PAX3: variants seen among roughly 807,000 people sequenced by gnomAD.
PAX3 encodes paired box protein Pax-3.
Under a neutral mutation model 51.6 loss-of-function variants are expected in PAX3, and 14 were observed. The observed-to-expected ratio is 0.27, with a 90% confidence interval of 0.18 to 0.42. The LOEUF (loss-of-function observed/expected upper bound fraction) is 0.42, where lower values mean the gene tolerates loss of function less well. Among genes scored for constraint, PAX3 ranks in the 10% least tolerant of loss-of-function variants. The pLI, the probability that PAX3 is intolerant of heterozygous loss-of-function variation, is 1.00. For missense variants in PAX3, 540 were observed against 642.8 expected (o/e 0.84, Z 1.73); for synonymous variants, 280 against 253.4 (o/e 1.11, Z -1.00).
At chr2:222,269,175 C>T (rs555108118) in intron 4 of PAX3, among the ~76,000 whole-genome samples, 4 of 152,284 alleles carry the variant, frequency 2.6e-5, no homozygotes, top group East Asian at 1.9e-4. Context: ...GCTAATACTC[C>T]GAACAAATAC....
intron 4 of PAX3, among the ~76,000 whole-genome samples, chr2:222,254,180 T>C (rs1693548278): frequency 6.6e-6 from 1 of 152,180 alleles, no homozygotes. Context: ...TCACTTTAAG[T>C]ATTCAACCAG....
chr2:222,262,613 T>C (rs1418576796), intron 4 of PAX3: 1 of 147,012 alleles, frequency 6.8e-6, no homozygotes, highest in Admixed American at 6.8e-5. Context: ...TTTTTTTTTT[T>C]GTAGATACAG....
rs1553583540 is a variant in PAX3, at chr2:222,265,691, G to GAAGA, written c.586+28475_586+28476insTCTT. ...GGAAGGAAGGAAGGAAGGAAGGAAG[G>GAAGA]GAGAAAGATTGATTTTGATTTTTCC... On this transcript the variant is annotated intron_variant, in intron 4 of 8. Transcript: ENST00000392070. Among the ~76,000 whole-genome samples, 277 of 142,138 alleles carry GAAGA rather than the reference G, an allele frequency of 1.9e-3. 3 individuals are homozygous for GAAGA. Among genetic ancestry groups the GAAGA allele is most frequent in the Middle Eastern group, 7.1e-3 (2 of 280 alleles). The allele number at this position is 142,138 out of a possible 152,430, so 93.2% of individuals were successfully genotyped here.
intron 4 of PAX3, among the ~76,000 whole-genome samples, chr2:222,258,956 T>C (rs908373479): frequency 3.3e-5 from 5 of 152,176 alleles, no homozygotes; most frequent in Admixed American, 3.3e-4. Flanking sequence ...TAAAACACTT[T>C]ATACAAATCC....
chr2:222,251,827 T>G (rs1030014213), intron 4 of PAX3, among the ~76,000 whole-genome samples: 1 of 152,222 alleles, frequency 6.6e-6, no homozygotes, highest in East Asian at 1.9e-4. Flanking sequence ...TGGTATCTCA[T>G]TGTGGTTTTG....
intron 7 of PAX3, among the ~76,000 whole-genome samples, chr2:222,219,142 G>T (rs529603039): frequency 6.6e-6 from 1 of 152,290 alleles, no homozygotes; most frequent in South Asian, 2.1e-4. Context: ...TTAGGCAGCG[G>T]TGATAGTCAG....
At chr2:222,240,602 CT>C (rs771578716) in intron 4 of PAX3, among the ~76,000 whole-genome samples, 7 of 152,150 alleles carry the variant, frequency 4.6e-5, no homozygotes, top group Non-Finnish European at 8.8e-5. Flanking sequence ...ATGCTTGTGT[CT>C]TTTTCAACCA....
chr2:222,237,669 A>G (rs1229733590), intron 4 of PAX3, among the ~76,000 whole-genome samples: 1 of 152,264 alleles, frequency 6.6e-6, no homozygotes, highest in Non-Finnish European at 1.5e-5. Flanking sequence ...AAGAAATCAA[A>G]GTAGTTCATC....
At chr2:222,213,450 G>A (rs1269097142) in intron 7 of PAX3, among the ~76,000 whole-genome samples, 2 of 152,128 alleles carry the variant, frequency 1.3e-5, no homozygotes, top group African/African-American at 4.8e-5. Flanking sequence ...TGGTTATTCT[G>A]GTGTAGCTGA....
intron 7 of PAX3, among the ~76,000 whole-genome samples, chr2:222,210,362 A>G (rs1691678356): frequency 1.3e-5 from 2 of 152,168 alleles, no homozygotes; most frequent in African/African-American, 4.8e-5. Context: ...CTGGTGAGAG[A>G]GAAGCATCAC....
At position 222,200,807 on chromosome 2, in the gene PAX3, T is replaced by C; in HGVS notation, c.*601A>G. On this transcript the variant is annotated 3_prime_UTR_variant, in exon 9 of 9. Coordinates refer to ENST00000392070, the MANE Select transcript of PAX3 (RefSeq NM_181458.4). ...GAGGATACAGTAACAAATAATTTAT[T>C]TAGGAGGTCCTTTACAGCTAGTCTA... The C allele has an allele frequency of 3.0e-6, 1 of 330,958 alleles. No individual in the cohort carries two copies. 20.5% of individuals were successfully genotyped at this position (330,958 alleles called of 1,614,324 possible). A position where few individuals can be genotyped will look rare whatever the true frequency, so the allele number is the denominator to read the frequency against.
intron 4 of PAX3, among the ~76,000 whole-genome samples, chr2:222,274,326 A>C (rs528638210): frequency 1.1e-4 from 16 of 152,110 alleles, no homozygotes; most frequent in Admixed American, 3.9e-4. Context: ...TCCCTTAAGG[A>C]GTATAAATTT....
rs57757180 is a variant in PAX3 at position 222,255,917 on chromosome 2, A to ATTTTTT, written c.587-23640_587-23635dup. Reference sequence around the variant, plus strand: ...AGGTGCACGCCACTACGCCCAGCTAATTTTTTTTTTTTTTTTTTTTTTTGT... The same window carrying ATTTTTT: ...AGGTGCACGCCACTACGCCCAGCTAATTTTTTTTTTTTTTTTTTTTTTTTTTTTTGT... On this transcript the variant is annotated intron_variant, in intron 4 of 8. Transcript: ENST00000392070. Among the ~76,000 whole-genome samples, 745 of 98,296 alleles carry ATTTTTT rather than the reference A, an allele frequency of 7.6e-3. 16 individuals are homozygous for ATTTTTT. The highest frequency in any genetic ancestry group is 0.024 in the Middle Eastern group (3 of 126). The allele number at this position is 98,296 out of a possible 152,430, so 64.5% of individuals were successfully genotyped here. A position where few individuals can be genotyped will look rare whatever the true frequency, so the allele number is the denominator to read the frequency against.
At chr2:222,215,085 A>G (rs1691900032) in intron 7 of PAX3, among the ~76,000 whole-genome samples, 1 of 152,128 alleles carries the variant, frequency 6.6e-6, no homozygotes, top group Admixed American at 6.6e-5. Context: ...GAGGTTGCAA[A>G]CAGAACTTCC....
chr2:222,253,472 A>T (rs1693515305), intron 4 of PAX3, among the ~76,000 whole-genome samples: 1 of 151,684 alleles, frequency 6.6e-6, no homozygotes, highest in South Asian at 2.1e-4. Flanking sequence ...GAACAAACCT[A>T]GGTGATGCAC....
chr2:222,247,356 C>T (rs1417597643), intron 4 of PAX3, among the ~76,000 whole-genome samples: 2 of 150,912 alleles, frequency 1.3e-5, no homozygotes, highest in Non-Finnish European at 3.0e-5. Context: ...AACTAAATTG[C>T]AGGGAGAAAA....
chr2:222,251,571 C>T (rs1026441941), intron 4 of PAX3, among the ~76,000 whole-genome samples: 18 of 152,142 alleles, frequency 1.2e-4, no homozygotes, highest in African/African-American at 4.1e-4. Flanking sequence ...AATAAACATA[C>T]ATGTGCATGT....
chr2:222,268,291 CTG>C (rs1280065298), intron 4 of PAX3, among the ~76,000 whole-genome samples: 1 of 152,208 alleles, frequency 6.6e-6, no homozygotes, highest in East Asian at 1.9e-4. Flanking sequence ...TTGGGGGAAT[CTG>C]GAAATAGTTT....
In PAX3 at chr2:222,232,151, C is replaced by A. The variant is rs1211774060; in HGVS notation, c.719G>T (p.Arg240Ile). 1 of 1,614,042 alleles carries A rather than the reference C, an allele frequency of 6.2e-7. No individual in the cohort carries two copies. Among genetic ancestry groups the A allele is most frequent in the Non-Finnish European group, 8.5e-7 (1 of 1,179,976 alleles). The change falls in exon 5 of 9, where the codon AGA becomes ATA. Residue 240 changes from arginine (R) to isoleucine (I), a missense_variant. Arg to Ile is a moderately conservative substitution (Grantham distance 97). Around this residue, in one of 3 missense-constraint regions of PAX3, gnomAD observed 427 missense variants for 483.6 expected, o/e 0.88. Coordinates refer to ENST00000392070, the MANE Select transcript of PAX3 (RefSeq NM_181458.4). The stretch of plus-strand genomic sequence containing the variant: ...AGTATAAATGTCAGGGTAATGAGTT[C>A]TCTCAAAAGCACGCTCCAGTTCCTC... The part of the protein sequence containing the change: ...QLEELERAFE[R>I]THYPDIYTRE...
Sources: allele counts gnomAD v4.1 joint callset (sites outside exome capture counted in the v4.1 genomes callset), GRCh38; gene constraint gnomAD v4.1.1; regional missense constraint gnomAD v4.1.1; transcripts MANE v1.5; gene names NCBI Gene and HGNC (gene_info 2026-07-23, HGNC 2026-07-21).